PDZD2: variants seen among roughly 807,000 people sequenced by gnomAD.
PDZD2 encodes the protein PDZ domain-containing protein 2.
Under a neutral mutation model 220.7 loss-of-function variants are expected in PDZD2, and 90 were observed. The ratio of observed to expected loss-of-function variants is 0.41; its 90% CI spans 0.34 to 0.49. PDZD2 has a LOEUF of 0.49. PDZD2 is among the 20% of genes least tolerant of loss of function. PDZD2 has a pLI of 0.28. For synonymous variants in PDZD2, 1,375 were observed against 1,450.5 expected (o/e 0.95, Z 1.18); for missense variants, 3,174 against 3,608.5 (o/e 0.88, Z 3.08).
chr5:31,708,547 T>C (rs1297439844), intron 1 of PDZD2, among the ~76,000 whole-genome samples: 1 of 152,236 alleles, frequency 6.6e-6, no homozygotes, highest in Non-Finnish European at 1.5e-5. Context: ...CAAGGAGAAA[T>C]TGATGCTTCT....
At chr5:31,918,821 C>A (rs1227146231) in intron 2 of PDZD2, among the ~76,000 whole-genome samples, 1 of 152,096 alleles carries the variant, frequency 6.6e-6, no homozygotes, top group South Asian at 2.1e-4. Context: ...CTGTGCTACT[C>A]CAAGAGTGGG....
intron 24 of PDZD2, among the ~76,000 whole-genome samples, chr5:32,104,742 A>T (rs113433626): frequency 0.017 from 2,532 of 149,594 alleles, 103 homozygotes; most frequent in African/African-American, 0.06. Flanking sequence ...AAAAAAAAAA[A>T]AAAACATATA....
intron 2 of PDZD2, among the ~76,000 whole-genome samples, chr5:31,977,095 C>T (rs1283805776): frequency 1.3e-5 from 2 of 151,478 alleles, no homozygotes; most frequent in Admixed American, 6.6e-5. Flanking sequence ...TGGGCTCAAG[C>T]GACCCTCCTA....
intron 1 of PDZD2, among the ~76,000 whole-genome samples, chr5:31,709,920 C>T (rs1465970893): frequency 6.6e-6 from 1 of 152,214 alleles, no homozygotes. Flanking sequence ...CACGCCACTG[C>T]ACTTCAGCCT....
At chr5:31,702,412 A>G (rs1747645890) in intron 1 of PDZD2, among the ~76,000 whole-genome samples, 1 of 152,162 alleles carries the variant, frequency 6.6e-6, no homozygotes, top group Non-Finnish European at 1.5e-5. Context: ...CTTGGACCTG[A>G]GAGTTCAACC....
intron 2 of PDZD2, among the ~76,000 whole-genome samples, chr5:31,859,346 G>C (rs1293382296): frequency 6.6e-6 from 1 of 152,086 alleles, no homozygotes; most frequent in Non-Finnish European, 1.5e-5. Flanking sequence ...AACCTGTTGG[G>C]TGGTTACATT....
intron 19 of PDZD2, among the ~76,000 whole-genome samples, chr5:32,078,153 G>T (rs897867627): frequency 1.3e-5 from 2 of 151,958 alleles, no homozygotes; most frequent in African/African-American, 4.8e-5. Context: ...ACACCAACAA[G>T]ACATGAGATG....
At chr5:31,920,761 C>T (rs1432315604) in intron 2 of PDZD2, among the ~76,000 whole-genome samples, 1 of 152,166 alleles carries the variant, frequency 6.6e-6, no homozygotes, top group African/African-American at 2.4e-5. Context: ...TAAAAATCCT[C>T]TGTGCCCATT....
At chr5:31,779,967 C>T (rs944516173) in intron 1 of PDZD2, among the ~76,000 whole-genome samples, 4 of 152,098 alleles carry the variant, frequency 2.6e-5, no homozygotes, top group Non-Finnish European at 5.9e-5. Context: ...GTTGTGTCTT[C>T]GCTAGAGGAT....
intron 1 of PDZD2, among the ~76,000 whole-genome samples, chr5:31,709,108 G>A (rs1027877883): frequency 2.6e-5 from 4 of 152,134 alleles, no homozygotes; most frequent in East Asian, 1.9e-4. Flanking sequence ...GGCTGGTTTC[G>A]AACTGCTGTC....
chr5:32,062,963 T>G (rs1457840533), intron 14 of PDZD2, among the ~76,000 whole-genome samples: 1 of 151,944 alleles, frequency 6.6e-6, no homozygotes, highest in Non-Finnish European at 1.5e-5. Context: ...ACATAGTATG[T>G]CACTGCAGCT....
chr5:32,039,440 A>G (rs1200340091), intron 7 of PDZD2, among the ~76,000 whole-genome samples: 3 of 149,840 alleles, frequency 2.0e-5, no homozygotes, highest in Non-Finnish European at 4.4e-5. Flanking sequence ...GCAGTGGCGT[A>G]ATCTCAGCTC....
chr5:31,782,020 G>A (rs573928980), intron 1 of PDZD2, among the ~76,000 whole-genome samples: 16 of 152,268 alleles, frequency 1.1e-4, no homozygotes, highest in South Asian at 4.2e-4. Flanking sequence ...ACTCTATGCC[G>A]GCACAGTGTG....
At chr5:32,004,942 T>C (rs1752685300) in intron 5 of PDZD2, among the ~76,000 whole-genome samples, 2 of 152,196 alleles carry the variant, frequency 1.3e-5, no homozygotes. Flanking sequence ...GACCCAGGCC[T>C]CAGAAGAGTG....
At chr5:31,943,391 C>G (rs1421859204) in intron 2 of PDZD2, among the ~76,000 whole-genome samples, 1 of 152,040 alleles carries the variant, frequency 6.6e-6, no homozygotes, top group Non-Finnish European at 1.5e-5. Context: ...CTGGGGGAAC[C>G]GTTCAGAACT....
chr5:32,077,874 T>C (rs1741459495), intron 19 of PDZD2: 1 of 376,952 alleles, frequency 2.7e-6, no homozygotes, highest in Non-Finnish European at 5.0e-6. Context: ...GGAGAATCGC[T>C]TGAACTGGGT....
intron 1 of PDZD2, among the ~76,000 whole-genome samples, chr5:31,644,157 G>A (rs990545857): frequency 3.3e-5 from 5 of 152,154 alleles, no homozygotes; most frequent in Non-Finnish European, 5.9e-5. Context: ...GAATTATCTG[G>A]AAAATTTTCT....
At chr5:31,802,737 G>A (rs886485409) in intron 2 of PDZD2, among the ~76,000 whole-genome samples, 6 of 151,980 alleles carry the variant, frequency 3.9e-5, no homozygotes, top group South Asian at 2.1e-4. Context: ...TGGCTAACAT[G>A]GTGAAACCCC....
intron 2 of PDZD2, among the ~76,000 whole-genome samples, chr5:31,896,986 A>G (rs1019950738): frequency 8.5e-5 from 13 of 152,296 alleles, no homozygotes; most frequent in African/African-American, 2.9e-4. Context: ...TTTTATAGCA[A>G]TACTTTACAG....
Sources: gnomAD v4.1 joint callset for allele counts (sites outside exome capture counted in the v4.1 genomes callset) on GRCh38, gnomAD v4.1.1 for gene constraint, MANE v1.5 for transcripts, NCBI Gene and HGNC (gene_info 2026-07-23, HGNC 2026-07-21) for gene names.